FOXP1: variants seen among roughly 807,000 people sequenced by gnomAD.
FOXP1 encodes forkhead box protein P1.
FOXP1 carries 15 observed loss-of-function variants against 98.2 expected under a neutral mutation model. That is an observed-to-expected ratio of 0.15 (90% CI 0.10 to 0.24). The LOEUF (loss-of-function observed/expected upper bound fraction) is 0.24. Ranked by LOEUF, FOXP1 falls within the 10% of genes least tolerant of loss-of-function variation. The pLI is 1.00. For synonymous variants in FOXP1, 371 were observed against 314.5 expected (o/e 1.18, Z -1.90); for missense variants, 633 against 848.5 (o/e 0.75, Z 3.15).
At position 71,014,790 on chromosome 3, in the gene FOXP1, A is replaced by G. The variant is rs1419214997; in HGVS notation, c.974+759T>C. ...GATTACGAAAATGTGGCACATATAC[A>G]CCATGGAATACTATGCAGCCATAAA... On this transcript the variant is annotated intron_variant, in intron 12 of 20. Coordinates refer to ENST00000649528, the MANE Select transcript of FOXP1 (RefSeq NM_001349338.3). 2.6e-5 allele frequency among the ~76,000 whole-genome samples: 4 copies of G among 152,318 alleles called. No individual in the cohort carries two copies. The South Asian group carries it at 6.2e-4, about 24-fold the overall frequency.
At chr3:71,502,669 A>G (rs1369960120) in intron 2 of FOXP1, among the ~76,000 whole-genome samples, 1 of 152,216 alleles carries the variant, frequency 6.6e-6, no homozygotes, top group Non-Finnish European at 1.5e-5. Context: ...TTATATTCAT[A>G]ATGATGATGT....
At chr3:70,990,512 T>C (rs1204649758) in intron 13 of FOXP1, among the ~76,000 whole-genome samples, 1 of 152,206 alleles carries the variant, frequency 6.6e-6, no homozygotes, top group African/African-American at 2.4e-5. Context: ...AATATGAGGA[T>C]ACAAACATTT....
chr3:70,983,777 G>A (rs558064178), intron 14 of FOXP1, among the ~76,000 whole-genome samples: 8 of 152,236 alleles, frequency 5.3e-5, no homozygotes, highest in Non-Finnish European at 8.8e-5. Context: ...CATAATGACA[G>A]AGTGTGAAAA....
At chr3:71,033,513 A>T (rs774046327) in intron 11 of FOXP1, among the ~76,000 whole-genome samples, 23 of 151,368 alleles carry the variant, frequency 1.5e-4, no homozygotes, top group Non-Finnish European at 2.5e-4. Context: ...GTGTTATGGT[A>T]AAAGGCACTT....
At chr3:71,154,766 TC>T (rs2060739028) in intron 6 of FOXP1, among the ~76,000 whole-genome samples, 1 of 152,176 alleles carries the variant, frequency 6.6e-6, no homozygotes. Flanking sequence ...GTAAGACAGT[TC>T]CTGAAAAGCA....
intron 2 of FOXP1, among the ~76,000 whole-genome samples, chr3:71,540,107 A>C (rs2044670178): frequency 6.6e-6 from 1 of 152,276 alleles, no homozygotes. Context: ...AATGGTGTGC[A>C]TTGAAGATAT....
At chr3:71,250,035 G>T (rs2068057851) in intron 5 of FOXP1, among the ~76,000 whole-genome samples, 1 of 152,180 alleles carries the variant, frequency 6.6e-6, no homozygotes. Flanking sequence ...TTGAACTGAG[G>T]AGCTGGGGGC....
intron 2 of FOXP1, among the ~76,000 whole-genome samples, chr3:71,536,533 G>C (rs539023345): frequency 2.3e-4 from 35 of 150,138 alleles, no homozygotes; most frequent in African/African-American, 8.6e-4. Flanking sequence ...CATAAATAAA[G>C]AGCTTGCATT....
chr3:71,563,061 G>A (rs2107746083), intron 2 of FOXP1, among the ~76,000 whole-genome samples: 1 of 152,262 alleles, frequency 6.6e-6, no homozygotes, highest in Admixed American at 6.5e-5. Context: ...AGCCAGGCTG[G>A]CCATGCAAGG....
chr3:71,327,411 G>A (rs1271845263), intron 4 of FOXP1, among the ~76,000 whole-genome samples: 1 of 9,832 alleles, frequency 1.0e-4, no homozygotes, highest in African/African-American at 1.6e-4. Flanking sequence ...TTTTTTAGAC[G>A]GAGTCTCCCT....
At chr3:71,114,990 A>T (rs575140337) in intron 6 of FOXP1, among the ~76,000 whole-genome samples, 4 of 152,232 alleles carry the variant, frequency 2.6e-5, no homozygotes, top group African/African-American at 9.6e-5. Flanking sequence ...CCTACTATAT[A>T]TGTTCCCTTA....
At chr3:71,005,378 A>G (rs1051119851) in intron 12 of FOXP1, among the ~76,000 whole-genome samples, 2 of 147,294 alleles carry the variant, frequency 1.4e-5, no homozygotes, top group Non-Finnish European at 3.0e-5. Context: ...GAAGACGGGT[A>G]TAAGAGAAAA....
At chr3:71,521,827 C>T (rs1262234251) in intron 2 of FOXP1, among the ~76,000 whole-genome samples, 2 of 152,108 alleles carry the variant, frequency 1.3e-5, no homozygotes, top group African/African-American at 2.4e-5. Context: ...TTGCTCCTGT[C>T]GGCTCTGGCA....
chr3:71,017,963 G>A (rs1181225431), intron 11 of FOXP1, among the ~76,000 whole-genome samples: 1 of 152,050 alleles, frequency 6.6e-6, no homozygotes, highest in Non-Finnish European at 1.5e-5. Context: ...TTTTCAATTT[G>A]GAAACCAGGA....
At chr3:71,452,562 A>T (rs2087057173) in intron 3 of FOXP1, among the ~76,000 whole-genome samples, 1 of 152,166 alleles carries the variant, frequency 6.6e-6, no homozygotes, top group African/African-American at 2.4e-5. Context: ...TGACCCCCAA[A>T]GGAGGCTCTT....
chr3:71,486,092 GA>G (rs1163247110), intron 3 of FOXP1, among the ~76,000 whole-genome samples: 2 of 152,000 alleles, frequency 1.3e-5, no homozygotes, highest in Non-Finnish European at 2.9e-5. Flanking sequence ...TCATGGTTAA[GA>G]CAAAGGTTTT....
intron 4 of FOXP1, among the ~76,000 whole-genome samples, chr3:71,328,187 T>G (rs531956390): frequency 9.2e-5 from 14 of 152,264 alleles, no homozygotes; most frequent in African/African-American, 3.1e-4. Flanking sequence ...CTCGGCACTT[T>G]GGGAGGCTGA....
chr3:71,328,987 A>AC (rs1365552684), intron 4 of FOXP1, among the ~76,000 whole-genome samples: 4 of 115,522 alleles, frequency 3.5e-5, no homozygotes, highest in Non-Finnish European at 7.1e-5. Context: ...AAAAAAAAAA[A>AC]AACAAAAAAA....
intron 13 of FOXP1, among the ~76,000 whole-genome samples, chr3:70,988,604 G>GT (rs2040131273): frequency 6.6e-6 from 1 of 152,204 alleles, no homozygotes; most frequent in Admixed American, 6.5e-5. Context: ...TCAAACGAGT[G>GT]TAGAACAAGC....
Sources: allele counts gnomAD v4.1 joint callset (sites outside exome capture counted in the v4.1 genomes callset), GRCh38; gene constraint gnomAD v4.1.1; transcripts MANE v1.5; gene names NCBI Gene and HGNC (gene_info 2026-07-23, HGNC 2026-07-21).